The following ANKS1B variants were observed in gnomAD, a reference collection of about 807,000 sequenced individuals.
The protein encoded by ANKS1B is ankyrin repeat and sterile alpha motif domain-containing protein 1B.
Under a neutral mutation model 148.3 loss-of-function variants are expected in ANKS1B, and 36 were observed. The observed-to-expected ratio is 0.24, with a 90% CI of 0.19 to 0.32. The LOEUF is 0.32. ANKS1B is among the 10% of genes least tolerant of loss of function. The probability of loss-of-function intolerance (pLI) is 1.00; values close to 1 mark genes in which losing one functional copy is unlikely to be tolerated. For missense variants in ANKS1B, 1,157 were observed against 1,542.6 expected (o/e 0.75, Z 4.19); for synonymous variants, 542 against 560.8 (o/e 0.97, Z 0.47).
At chr12:99,174,696 T>C (rs139549458) in intron 14 of ANKS1B, among the ~76,000 whole-genome samples, 125 of 152,308 alleles carry the variant, frequency 8.2e-4, no homozygotes, top group African/African-American at 2.6e-3. Flanking sequence ...TGGTTCCTAA[T>C]AACCTTTTTT....
chr12:98,827,386 G>T (rs1190537640), intron 19 of ANKS1B, among the ~76,000 whole-genome samples: 4 of 152,176 alleles, frequency 2.6e-5, no homozygotes, highest in Admixed American at 2.6e-4. Context: ...GTGCACAGGT[G>T]CTCTAGTTCA....
chr12:99,511,819 T>C (rs1362585411), intron 9 of ANKS1B, among the ~76,000 whole-genome samples: 1 of 151,954 alleles, frequency 6.6e-6, no homozygotes, highest in Non-Finnish European at 1.5e-5. Context: ...GAGAGAGGAT[T>C]CTCTATTTTA....
chr12:99,260,921 A>G (rs1317824614), intron 12 of ANKS1B, among the ~76,000 whole-genome samples: 3 of 152,194 alleles, frequency 2.0e-5, no homozygotes, highest in African/African-American at 7.2e-5. Context: ...GTGTTGGTAA[A>G]TGACATATTC....
intron 9 of ANKS1B, among the ~76,000 whole-genome samples, chr12:99,640,932 CT>C (rs1438736654): frequency 6.6e-6 from 1 of 152,082 alleles, no homozygotes; most frequent in Non-Finnish European, 1.5e-5. Context: ...AAAATTAGAT[CT>C]GCTTGTCATA....
At chr12:99,327,325 T>TAATTACA (rs1366718596) in intron 12 of ANKS1B, among the ~76,000 whole-genome samples, 7 of 117,940 alleles carry the variant, frequency 5.9e-5, no homozygotes, top group African/African-American at 2.3e-4. Flanking sequence ...TAATTACATA[T>TAATTACA]TATATATAAT....
intron 1 of ANKS1B, among the ~76,000 whole-genome samples, chr12:99,868,878 C>T (rs1380869611): frequency 2.6e-5 from 4 of 151,612 alleles, no homozygotes; most frequent in East Asian, 2.0e-4. Flanking sequence ...GCCAACATGG[C>T]GAAATCCTGT....
At chr12:99,220,965 G>GC (rs1396864451) in intron 14 of ANKS1B, among the ~76,000 whole-genome samples, 2 of 152,092 alleles carry the variant, frequency 1.3e-5, no homozygotes, top group East Asian at 3.8e-4. Flanking sequence ...AGTGAGGGAG[G>GC]CCTTTTTAAT....
chr12:99,065,432 A>G (rs1053590633), intron 16 of ANKS1B, among the ~76,000 whole-genome samples: 2 of 152,238 alleles, frequency 1.3e-5, no homozygotes, highest in African/African-American at 4.8e-5. Flanking sequence ...AAGCAGATAA[A>G]TGTACCACAC....
At chr12:99,172,700 C>T (rs2077917767) in intron 14 of ANKS1B, among the ~76,000 whole-genome samples, 1 of 152,004 alleles carries the variant, frequency 6.6e-6, no homozygotes, top group South Asian at 2.1e-4. Flanking sequence ...GCTAGAAGAG[C>T]AATGTTAAAA....
intron 12 of ANKS1B, among the ~76,000 whole-genome samples, chr12:99,252,246 G>A (rs941696613): frequency 6.6e-6 from 1 of 152,190 alleles, no homozygotes; most frequent in Non-Finnish European, 1.5e-5. Flanking sequence ...GGCCAGTGTG[G>A]CTATAATAGA....
chr12:99,611,747 T>C (rs1040631744), intron 9 of ANKS1B, among the ~76,000 whole-genome samples: 1 of 152,074 alleles, frequency 6.6e-6, no homozygotes, highest in Non-Finnish European at 1.5e-5. Context: ...GAATCCTTAA[T>C]GAGGTAAGGC....
intron 4 of ANKS1B, among the ~76,000 whole-genome samples, chr12:99,804,080 A>G (rs562563085): frequency 6.6e-6 from 1 of 152,334 alleles, no homozygotes; most frequent in Admixed American, 6.5e-5. Flanking sequence ...TGGTCATGTC[A>G]TCTAGTACAA....
At chr12:99,537,330 A>C (rs2097080455) in intron 9 of ANKS1B, among the ~76,000 whole-genome samples, 1 of 151,896 alleles carries the variant, frequency 6.6e-6, no homozygotes. Context: ...TTTTTGAGGA[A>C]CCTCCATATT....
At chr12:99,207,768 A>T (rs1322965937) in intron 14 of ANKS1B, among the ~76,000 whole-genome samples, 1 of 152,106 alleles carries the variant, frequency 6.6e-6, no homozygotes, top group Non-Finnish European at 1.5e-5. Flanking sequence ...GGTATGAAAG[A>T]TGTGTTTTTG....
At chr12:99,847,778 C>G (rs1250824229) in intron 1 of ANKS1B, among the ~76,000 whole-genome samples, 1 of 151,964 alleles carries the variant, frequency 6.6e-6, no homozygotes, top group East Asian at 1.9e-4. Context: ...AGTGTTGACC[C>G]TGACCCTTAA....
intron 9 of ANKS1B, among the ~76,000 whole-genome samples, chr12:99,560,086 A>C (rs2153194141): frequency 6.6e-6 from 1 of 152,308 alleles, no homozygotes; most frequent in African/African-American, 2.4e-5. Flanking sequence ...TCAGTAATAC[A>C]GCTGAGGTAC....
intron 17 of ANKS1B, among the ~76,000 whole-genome samples, chr12:98,849,588 C>G (rs2099510437): frequency 6.6e-6 from 1 of 152,034 alleles, no homozygotes; most frequent in African/African-American, 2.4e-5. Context: ...AAACCAAAAC[C>G]CGAGTAATTT....
chr12:98,795,041 T>C, intron 22 of ANKS1B: 1 of 697,738 alleles, frequency 1.4e-6, no homozygotes. Flanking sequence ...GCTAAATTAT[T>C]AGCTTATTTT....
intron 8 of ANKS1B, among the ~76,000 whole-genome samples, chr12:99,727,421 A>T (rs2058720350): frequency 6.6e-6 from 1 of 152,042 alleles, no homozygotes; most frequent in Non-Finnish European, 1.5e-5. Context: ...ACCTAGGAAT[A>T]CAGCTAACAA....
Sources: allele counts gnomAD v4.1 joint callset (sites outside exome capture counted in the v4.1 genomes callset), GRCh38; gene constraint gnomAD v4.1.1; transcripts MANE v1.5; gene names NCBI Gene and HGNC (gene_info 2026-07-23, HGNC 2026-07-21).